MBD5: variants seen among roughly 807,000 people sequenced by gnomAD.
The protein encoded by MBD5 is methyl-CpG binding domain protein 5, also known as methyl-CpG-binding domain protein 5.
A neutral mutation model predicts 117.3 loss-of-function variants in MBD5; 13 were observed. The observed-to-expected ratio is 0.11, with a 90% CI of 0.07 to 0.18. The LOEUF is 0.18. Ranked by LOEUF, MBD5 falls within the 10% of genes least tolerant of loss-of-function variation. The probability of loss-of-function intolerance (pLI) is 1.00; values close to 1 mark genes in which losing one functional copy is unlikely to be tolerated. For missense variants in MBD5, 1,879 were observed against 2,093.8 expected (o/e 0.90, Z 2.00); for synonymous variants, 727 against 766.4 (o/e 0.95, Z 0.85).
At chr2:148,095,531 T>C (rs12469509) in intron 1 of MBD5, among the ~76,000 whole-genome samples, 46,817 of 151,978 alleles carry the variant, frequency 0.31, 8,345 homozygotes, top group East Asian at 0.46. Flanking sequence ...GGGTGTATTT[T>C]GAAGACTTTA....
chr2:148,318,513 C>T (rs1329655886), intron 3 of MBD5, among the ~76,000 whole-genome samples: 1 of 152,070 alleles, frequency 6.6e-6, no homozygotes, highest in Admixed American at 6.6e-5. Context: ...TCTTTGAGAA[C>T]TTACTCATAA....
intron 1 of MBD5, among the ~76,000 whole-genome samples, chr2:148,107,670 T>C (rs946017425): frequency 4.6e-5 from 7 of 151,710 alleles, no homozygotes; most frequent in African/African-American, 1.7e-4. Flanking sequence ...TTTTAGAAAT[T>C]TTTTTTTGAG....
At chr2:148,175,601 T>A (rs965882428) in intron 1 of MBD5, among the ~76,000 whole-genome samples, 1 of 152,202 alleles carries the variant, frequency 6.6e-6, no homozygotes, top group African/African-American at 2.4e-5. Flanking sequence ...ATCTTCATAT[T>A]AATTTCTGAG....
chr2:148,084,378 T>C (rs1286242566), intron 1 of MBD5, among the ~76,000 whole-genome samples: 1 of 152,212 alleles, frequency 6.6e-6, no homozygotes, highest in East Asian at 1.9e-4. Context: ...ATTGACAAAA[T>C]AAAACAATTT....
At chr2:148,309,867 AG>A (rs1488948016) in intron 3 of MBD5, among the ~76,000 whole-genome samples, 1 of 152,158 alleles carries the variant, frequency 6.6e-6, no homozygotes, top group Non-Finnish European at 1.5e-5. Flanking sequence ...TTTAGCATGA[AG>A]GGTTGTTGAA....
chr2:148,459,556 C>T (rs1213966546), intron 5 of MBD5, among the ~76,000 whole-genome samples: 2 of 152,094 alleles, frequency 1.3e-5, no homozygotes, highest in Non-Finnish European at 2.9e-5. Flanking sequence ...CATAGTTTTT[C>T]TGTAAGTGTC....
intron 1 of MBD5, among the ~76,000 whole-genome samples, chr2:148,127,433 TG>T (rs1696929092): frequency 2.0e-5 from 3 of 152,122 alleles, no homozygotes; most frequent in African/African-American, 7.2e-5. Flanking sequence ...TCCCACTATG[TG>T]TCCACGTGTT....
rs1030051186 is a variant in MBD5, at chr2:148,332,166, G to A, written c.-679-10048G>A. Among the ~76,000 whole-genome samples the A allele has an allele frequency of 3.3e-4, 50 of 151,846 alleles. 1 individual carries two copies. Among genetic ancestry groups the A allele is most frequent in the Non-Finnish European group, 3.8e-4 (26 of 67,902 alleles). The stretch of plus-strand genomic sequence containing the variant: ...CTAAATCCTTACTATGCAAGCTATA[G>A]ACTTAGATCTCTTTATTATCTCCTA... On this transcript the variant is annotated intron_variant, in intron 3 of 13. Coordinates refer to ENST00000642680, the MANE Select transcript of MBD5 (RefSeq NM_001378120.1).
At chr2:148,276,647 A>T (rs187368231) in intron 3 of MBD5, among the ~76,000 whole-genome samples, 32 of 152,292 alleles carry the variant, frequency 2.1e-4, no homozygotes, top group African/African-American at 7.7e-4. Flanking sequence ...TTTTCCAATT[A>T]TTTCAGTAAT....
At chr2:148,504,267 C>T (rs532432088) in intron 12 of MBD5, among the ~76,000 whole-genome samples, 1 of 152,250 alleles carries the variant, frequency 6.6e-6, no homozygotes, top group South Asian at 2.1e-4. Flanking sequence ...ACTTTATTTA[C>T]CATACTATTG....
intron 3 of MBD5, among the ~76,000 whole-genome samples, chr2:148,290,113 G>A (rs1701467985): frequency 6.7e-6 from 1 of 148,364 alleles, no homozygotes; most frequent in Non-Finnish European, 1.5e-5. Flanking sequence ...CCACCACCAC[G>A]CCCAGCTAAT....
At chr2:148,234,927 T>G (rs1161571910) in intron 3 of MBD5, among the ~76,000 whole-genome samples, 5 of 152,202 alleles carry the variant, frequency 3.3e-5, no homozygotes, top group Admixed American at 6.5e-5. Flanking sequence ...GTTTAATTAG[T>G]AGAAATATTC....
intron 1 of MBD5, among the ~76,000 whole-genome samples, chr2:148,149,510 G>A (rs1435636873): frequency 6.7e-6 from 1 of 149,784 alleles, no homozygotes; most frequent in Non-Finnish European, 1.5e-5. Flanking sequence ...CTGAGGAATC[G>A]CCACACTGAC....
intron 4 of MBD5, among the ~76,000 whole-genome samples, chr2:148,372,001 C>G (rs901009417): frequency 3.3e-5 from 5 of 152,080 alleles, no homozygotes; most frequent in African/African-American, 1.2e-4. Context: ...AAGATACAGT[C>G]CCCATTCTCA....
At chr2:148,394,545 G>GTTTTTTTTTTTTTTCTTTTTTTTTTTTT (rs1704651890) in intron 4 of MBD5, among the ~76,000 whole-genome samples, 1 of 121,854 alleles carries the variant, frequency 8.2e-6, no homozygotes, top group Non-Finnish European at 1.7e-5. Flanking sequence ...CTGTACTTTG[G>GTTTTTTTTTTTTTTCTTTTTTTTTTTTT]TTTTTTTTTT....
At chr2:148,477,541 T>A (rs528753925) in intron 8 of MBD5, among the ~76,000 whole-genome samples, 1 of 152,214 alleles carries the variant, frequency 6.6e-6, no homozygotes, top group Non-Finnish European at 1.5e-5. Context: ...CTTGAGAAAA[T>A]AAAGTCTCGT....
intron 2 of MBD5, among the ~76,000 whole-genome samples, chr2:148,203,703 C>G (rs1234654497): frequency 6.6e-6 from 1 of 152,166 alleles, no homozygotes; most frequent in Non-Finnish European, 1.5e-5. Flanking sequence ...TCTGTGGATC[C>G]TTTATGTAGC....
chr2:148,123,002 G>C (rs1696804639), intron 1 of MBD5, among the ~76,000 whole-genome samples: 2 of 152,270 alleles, frequency 1.3e-5, no homozygotes, highest in South Asian at 4.1e-4. Flanking sequence ...GCTGGGGTGA[G>C]CAATGAAGAG....
chr2:148,230,529 G>T (rs564795486), intron 2 of MBD5, among the ~76,000 whole-genome samples: 24 of 152,186 alleles, frequency 1.6e-4, no homozygotes, highest in African/African-American at 5.5e-4. Flanking sequence ...AACCTGCTTG[G>T]TGCTCTGACC....
Sources: gnomAD v4.1 joint callset for allele counts (sites outside exome capture counted in the v4.1 genomes callset) on GRCh38, gnomAD v4.1.1 for gene constraint, MANE v1.5 for transcripts, NCBI Gene and HGNC (gene_info 2026-07-23, HGNC 2026-07-21) for gene names.